Variants in SLTM observed in about 807,000 individuals in gnomAD.
SLTM encodes the protein SAFB-like transcription modulator.
In SLTM, 43 loss-of-function variants were observed where a neutral mutation model predicts 134.6. The observed-to-expected ratio is 0.32, with a 90% CI of 0.25 to 0.41. SLTM has a LOEUF of 0.41. SLTM is among the 10% of genes least tolerant of loss of function. SLTM has a pLI of 1.00. For missense variants in SLTM, 1,055 were observed against 1,288.8 expected (o/e 0.82, Z 2.78); for synonymous variants, 424 against 432.3 (o/e 0.98, Z 0.24).
chr15:58,926,932 G>T (rs1445031305), intron 2 of SLTM, among the ~76,000 whole-genome samples: 1 of 152,056 alleles, frequency 6.6e-6, no homozygotes, highest in South Asian at 2.1e-4. Context: ...TTTAATGGCT[G>T]CGATAAAAGG....
intron 5 of SLTM, among the ~76,000 whole-genome samples, chr15:58,904,960 C>CG (rs1295884011): frequency 1.3e-5 from 2 of 152,136 alleles, no homozygotes; most frequent in African/African-American, 4.8e-5. Context: ...CCGCCTGCCT[C>CG]GGCCTCCCAA....
chr15:58,933,591 G>A lies in SLTM; in HGVS notation c.-26C>T, dbSNP rs754687331. 6 of 1,553,762 alleles carry A rather than the reference G, an allele frequency of 3.9e-6. No individual in the cohort carries two copies. Among genetic ancestry groups the A allele is most frequent in the East Asian group, 5.1e-5 (2 of 38,880 alleles). ...CTTAGAAGAGCAGCGCGCTGCCGAG[G>A]CAGCGAGTGGGCTGCAGGGCGGCGG... On this transcript the variant is annotated 5_prime_UTR_variant, in exon 1 of 21. Coordinates refer to ENST00000380516, the MANE Select transcript of SLTM (RefSeq NM_024755.4).
chr15:58,933,184 C>A (rs1266259739), intron 1 of SLTM, among the ~76,000 whole-genome samples: 1 of 151,656 alleles, frequency 6.6e-6, no homozygotes, highest in African/African-American at 2.4e-5. Flanking sequence ...GCTGCGGTGG[C>A]CGGTCCCTCG....
chr15:58,886,050 T>C (rs1156351978), intron 19 of SLTM, among the ~76,000 whole-genome samples: 4 of 152,282 alleles, frequency 2.6e-5, no homozygotes, highest in Non-Finnish European at 5.9e-5. Flanking sequence ...TCTGTCCAGC[T>C]CATTAACTTA....
chr15:58,898,361 C>T (rs912384322), intron 8 of SLTM: 2 of 151,866 alleles, frequency 1.3e-5, no homozygotes, highest in Non-Finnish European at 2.9e-5. Flanking sequence ...TTGAAACTTA[C>T]AAGAATTTAA....
intron 19 of SLTM, among the ~76,000 whole-genome samples, chr15:58,884,223 T>C (rs1191678945): frequency 6.6e-6 from 1 of 152,204 alleles, no homozygotes; most frequent in Admixed American, 6.5e-5. Flanking sequence ...GGATGAGTAG[T>C]GCAGCAGCAT....
intron 2 of SLTM, among the ~76,000 whole-genome samples, chr15:58,929,382 A>C (rs1595956447): frequency 6.6e-6 from 1 of 151,804 alleles, no homozygotes; most frequent in Admixed American, 6.6e-5. Context: ...CGGGAGGCGG[A>C]GGTTGCAGTG....
intron 3 of SLTM, chr15:58,916,651 A>G (rs1333188209): frequency 2.1e-5 from 5 of 243,280 alleles, no homozygotes; most frequent in Non-Finnish European, 2.4e-5. Context: ...ATGTATATCA[A>G]TTGTCTCGTA....
In SLTM at chr15:58,933,520, G is replaced by A; in HGVS notation, c.46C>T (p.Gln16Ter). The part of the protein sequence containing the change: ...GAVAASAASG[Q>*]AEGKKITDLR... ...TCGGTGATCTTTTTACCTTCCGCCT[G>A]ACCCGAGGCGGCCGAGGCTGCCACC... is the stretch of plus-strand genomic sequence containing the variant. Residue 16 changes from glutamine to a stop codon, truncating the protein, a stop_gained, in exon 1 of 21, where the codon CAG becomes TAG. Coordinates refer to ENST00000380516, the MANE Select transcript of SLTM (RefSeq NM_024755.4). LOFTEE classifies it high-confidence loss of function. 1 of 1,596,626 alleles carries A rather than the reference G, an allele frequency of 6.3e-7. No homozygotes were observed. The highest frequency in any genetic ancestry group is 8.5e-7 in the Non-Finnish European group (1 of 1,172,662).
At chr15:58,916,801 T>A in intron 3 of SLTM, 134 bp downstream of exon 3, 1 of 613,382 alleles carries the variant, frequency 1.6e-6, no homozygotes, top group Non-Finnish European at 2.8e-6. Flanking sequence ...ATATTAAACG[T>A]TGTCAATATT....
At chr15:58,906,410 T>A (rs1157288874) in intron 5 of SLTM, among the ~76,000 whole-genome samples, 12 of 152,232 alleles carry the variant, frequency 7.9e-5, no homozygotes, top group African/African-American at 2.9e-4. Context: ...TGTGCAATCC[T>A]TAGTCAAATG....
chr15:58,902,729 GTT>G (rs113107047), intron 5 of SLTM, among the ~76,000 whole-genome samples: 1 of 140,286 alleles, frequency 7.1e-6, no homozygotes. Context: ...GTTTTGTCTT[GTT>G]TTTTTTTTTT....
Position 58,897,233 on chromosome 15 carries a change from C to G in SLTM, c.1109G>C (p.Gly370Ala). Residue 370 changes from glycine (G) to alanine (A), a missense_variant and splice_region_variant, in exon 9 of 21, where the codon GGA (glycine) becomes GCA (alanine). Gly to Ala is a moderately conservative substitution (Grantham distance 60). Around this residue, in one of 3 missense-constraint regions of SLTM, gnomAD observed 776 missense variants for 962.2 expected, o/e 0.81. Coordinates refer to ENST00000380516, the MANE Select transcript of SLTM (RefSeq NM_024755.4). The part of the protein sequence containing the change: ...DSKTSSKDDK[G>A]STSSTSGSSG... ...GCTACCACTAGTACTACTTGTACTT[C>G]CTAGAATAGATTTAATATCAGATGT... 1 of 1,519,540 alleles carries G rather than the reference C, an allele frequency of 6.6e-7. No homozygotes were observed. The highest frequency in any genetic ancestry group is 9.1e-7 in the Non-Finnish European group (1 of 1,096,754). The allele number at this position is 1,519,540 out of a possible 1,614,324, so 94.1% of individuals were successfully genotyped here. A position where few individuals can be genotyped will look rare whatever the true frequency, so the allele number is the denominator to read the frequency against.
intron 15 of SLTM, 141 bp from the exon 16 acceptor site, chr15:58,889,695 A>G: frequency 1.1e-6 from 1 of 937,232 alleles, no homozygotes; most frequent in Non-Finnish European, 1.6e-6. Flanking sequence ...TGACACCTAA[A>G]TTTGATTTCA....
At chr15:58,883,896 G>C in intron 19 of SLTM, 110 bp from the exon 20 acceptor site, 3 of 1,199,340 alleles carry the variant, frequency 2.5e-6, no homozygotes. Context: ...TCAGGAGTTC[G>C]AGACCAGCCT....
intron 9 of SLTM, among the ~76,000 whole-genome samples, chr15:58,895,276 T>C (rs1375029228): frequency 6.6e-6 from 1 of 152,226 alleles, no homozygotes; most frequent in African/African-American, 2.4e-5. Context: ...AACACTTTTC[T>C]ATAATGAGTA....
chr15:58,883,962 G>T (rs1407763022), intron 19 of SLTM, among the ~76,000 whole-genome samples, 176 bp from the exon 20 acceptor site: 2 of 151,918 alleles, frequency 1.3e-5, no homozygotes, highest in African/African-American at 2.4e-5. Context: ...AGTCAGGCAT[G>T]GTACCCCACA....
chr15:58,883,716 T>C lies in SLTM; in HGVS notation c.2906A>G (p.His969Arg), dbSNP rs985318122. ...GCTAGGCCCTTGAGAGGGTGGACCATGCCACTCTTTCCTTGGTCCGCTTGT... is the reference window on the plus strand; with the variant it reads ...GCTAGGCCCTTGAGAGGGTGGACCACGCCACTCTTTCCTTGGTCCGCTTGT... ...RDTSGPRKEW[H>R]GPPSQGPSYH... Residue 969 changes from histidine to arginine, a missense_variant, in exon 20 of 21, where the codon CAT (histidine) becomes CGT (arginine). By Grantham distance (29) the His-to-Arg change is conservative. Coordinates refer to ENST00000380516, the MANE Select transcript of SLTM (RefSeq NM_024755.4). 6 of 1,614,006 alleles carry C rather than the reference T, an allele frequency of 3.7e-6. No individual in the cohort carries two copies. The highest frequency in any genetic ancestry group is 5.1e-6 in the Non-Finnish European group (6 of 1,180,028).
rs993212075 is a variant in SLTM at position 58,879,581 on chromosome 15, T to G, written c.*418A>C. On this transcript the variant is annotated 3_prime_UTR_variant, in exon 21 of 21. Coordinates refer to ENST00000380516, the MANE Select transcript of SLTM (RefSeq NM_024755.4). The stretch of plus-strand genomic sequence containing the variant: ...TCTTATTCTCTAAAAATTAGACAGC[T>G]AAGACTTCTTAAGTGTAGACAGCCT... 5 of 155,268 alleles carry G rather than the reference T, an allele frequency of 3.2e-5. No homozygotes were observed. The highest frequency in any genetic ancestry group is 1.2e-4 in the African/African-American group (5 of 41,498). The allele number at this position is 155,268 out of a possible 1,614,324, so 9.6% of individuals were successfully genotyped here. A position where few individuals can be genotyped will look rare whatever the true frequency, so the allele number is the denominator to read the frequency against.
Sources: allele counts gnomAD v4.1 joint callset (sites outside exome capture counted in the v4.1 genomes callset), GRCh38; gene constraint gnomAD v4.1.1; regional missense constraint gnomAD v4.1.1; transcripts MANE v1.5; gene names NCBI Gene and HGNC (gene_info 2026-07-23, HGNC 2026-07-21).